The following TNIK variants were observed in gnomAD, a reference collection of about 807,000 sequenced individuals.
The protein encoded by TNIK is TRAF2 and NCK-interacting protein kinase.
In TNIK, 49 loss-of-function variants were observed where a neutral mutation model predicts 191.3. That is an observed-to-expected ratio of 0.26 (90% confidence interval 0.20 to 0.32). The LOEUF (loss-of-function observed/expected upper bound fraction) is 0.32, where lower values mean the gene tolerates loss of function less well. Among genes scored for constraint, TNIK ranks in the 10% least tolerant of loss-of-function variants. The pLI, the probability that TNIK is intolerant of heterozygous loss-of-function variation, is 1.00. For missense variants in TNIK, 1,155 were observed against 1,702.3 expected (o/e 0.68, Z 5.66); for synonymous variants, 594 against 600.9 (o/e 0.99, Z 0.17).
intron 12 of TNIK, among the ~76,000 whole-genome samples, chr3:171,148,544 T>G (rs759165395): frequency 3.9e-5 from 6 of 152,174 alleles, no homozygotes; most frequent in Non-Finnish European, 4.4e-5. Flanking sequence ...CTGTCATCAT[T>G]CTGAAGCCTT....
chr3:171,360,713 C>T (rs1014927864), intron 2 of TNIK, among the ~76,000 whole-genome samples: 1 of 152,238 alleles, frequency 6.6e-6, no homozygotes, highest in African/African-American at 2.4e-5. Context: ...AACACTACCT[C>T]TCCCTAGAGT....
intron 2 of TNIK, among the ~76,000 whole-genome samples, chr3:171,329,271 T>C (rs1756151316): frequency 6.6e-6 from 1 of 152,178 alleles, no homozygotes; most frequent in Non-Finnish European, 1.5e-5. Context: ...AATTATTTAA[T>C]ACCATGGTAA....
At chr3:171,298,728 C>T (rs927544580) in intron 2 of TNIK, among the ~76,000 whole-genome samples, 1 of 152,156 alleles carries the variant, frequency 6.6e-6, no homozygotes, top group Non-Finnish European at 1.5e-5. Flanking sequence ...GTACAATAAA[C>T]AAAATACAAA....
At chr3:171,107,101 C>T in intron 21 of TNIK, 82 bp downstream of exon 21, 1 of 1,446,306 alleles carries the variant, frequency 6.9e-7, no homozygotes, top group Non-Finnish European at 9.4e-7. Flanking sequence ...TCCCATTGGC[C>T]ACCTTTCTGA....
rs563251824 is a variant in TNIK, at chr3:171,338,519, C to T, written c.123+31101G>A. Reference sequence around the variant, plus strand: ...ATTTTTTCTGTTGGAGACAATGTCTCGCTCTATTGCCCAGGCTGGAGTACA... The same window carrying T: ...ATTTTTTCTGTTGGAGACAATGTCTTGCTCTATTGCCCAGGCTGGAGTACA... On this transcript the variant is annotated intron_variant, in intron 2 of 32. Transcript: ENST00000436636. Among the ~76,000 whole-genome samples, 8 of 152,266 alleles carry T rather than the reference C, an allele frequency of 5.3e-5. No individual in the cohort carries two copies. In the East Asian group the frequency reaches 1.4e-3, roughly 26 times the overall value.
intron 2 of TNIK, among the ~76,000 whole-genome samples, chr3:171,322,429 A>G (rs1201995227): frequency 2.0e-5 from 3 of 152,180 alleles, no homozygotes; most frequent in African/African-American, 7.2e-5. Context: ...CCCAATTTTC[A>G]CAGGTAACCA....
chr3:171,177,186 T>C, intron 8 of TNIK, 140 bp downstream of exon 8: 1 of 697,244 alleles, frequency 1.4e-6, no homozygotes, highest in Non-Finnish European at 2.2e-6. Context: ...TTAAGATGAC[T>C]CTGCTTTCTA....
In TNIK at chr3:171,095,359, G is replaced by A. The variant is rs369106039; in HGVS notation, c.2592-1391C>T. 1.2e-3 allele frequency among the ~76,000 whole-genome samples: 181 copies of A among 152,276 alleles called. 2 individuals are homozygous for A. The South Asian group carries it at 0.034, about 28-fold the overall frequency. On this transcript the variant is annotated intron_variant, in intron 22 of 32. Coordinates refer to ENST00000436636, the MANE Select transcript of TNIK (RefSeq NM_015028.4). The stretch of plus-strand genomic sequence containing the variant: ...GGGATTTGAGAACCACACACCACAG[G>A]TTGAGGTTGGTACAACATGGCTTCT...
intron 30 of TNIK, among the ~76,000 whole-genome samples, chr3:171,067,826 T>C (rs1576886839): frequency 8.0e-6 from 1 of 125,098 alleles, no homozygotes; most frequent in South Asian, 2.4e-4. Context: ...AGGATTATCA[T>C]AGTTACACCT....
intron 2 of TNIK, among the ~76,000 whole-genome samples, chr3:171,310,722 G>A (rs1213848748): frequency 6.6e-6 from 1 of 151,830 alleles, no homozygotes; most frequent in Non-Finnish European, 1.5e-5. Context: ...CTTGTTACAT[G>A]TTCATATTTG....
At chr3:171,278,382 G>A (rs1750022677) in intron 2 of TNIK, among the ~76,000 whole-genome samples, 1 of 152,128 alleles carries the variant, frequency 6.6e-6, no homozygotes, top group Non-Finnish European at 1.5e-5. Flanking sequence ...GTGGATATGA[G>A]AATGAAGCTT....
rs58671407 is a variant in TNIK, at chr3:171,127,107, C to CCCATAAAT, written c.1774-964_1774-957dup. On this transcript the variant is annotated intron_variant, in intron 16 of 32. Transcript: ENST00000436636. Reference sequence around the variant, plus strand: ...TCTGTGCCTGGCATGGGGAAGGTGTCCCATAAATCCTGGTTGGGGAAAAAA... The same window carrying CCCATAAAT: ...TCTGTGCCTGGCATGGGGAAGGTGTCCCATAAATCCATAAATCCTGGTTGGGGAAAAAA... Among the ~76,000 whole-genome samples the CCCATAAAT allele has an allele frequency of 7.9e-3, 1,208 of 152,296 alleles. 24 individuals carry two copies. Among genetic ancestry groups the CCCATAAAT allele is most frequent in the African/African-American group, 0.028 (1,153 of 41,550 alleles).
intron 4 of TNIK, among the ~76,000 whole-genome samples, chr3:171,202,171 A>C (rs1048760028): frequency 1.3e-5 from 2 of 152,160 alleles, no homozygotes; most frequent in Admixed American, 6.5e-5. Context: ...GTCTGGACTC[A>C]AATTCCACAG....
rs766186062 is a variant in TNIK at position 171,108,103 on chromosome 3, C to G, written c.2344G>C (p.Glu782Gln). ...LPHEPAKVKP[E>Q]ESRDITRPSR... ...GGCCGGGTAATGTCCCTGGATTCTT[C>G]TGGTTTCACCTTCGCAGGCTCATGG... The change falls in exon 20 of 33, where the codon GAA becomes CAA. Residue 782 changes from glutamate (E) to glutamine (Q), a missense_variant. Physicochemically the swap from Glu to Gln is conservative, Grantham distance 29. Around this residue, in one of 3 missense-constraint regions of TNIK, gnomAD observed 735 missense variants for 848.0 expected, o/e 0.87. Transcript: ENST00000436636. The G allele has an allele frequency of 1.3e-5, 21 of 1,577,094 alleles. No homozygotes were observed. In the East Asian group the frequency reaches 4.9e-4, roughly 36 times the overall value.
intron 12 of TNIK, among the ~76,000 whole-genome samples, chr3:171,143,727 C>T (rs1431310735): frequency 2.0e-5 from 3 of 152,164 alleles, no homozygotes; most frequent in Non-Finnish European, 2.9e-5. Flanking sequence ...CCATATCAGG[C>T]CAGCCACCAG....
chr3:171,246,086 A>T (rs1199888982), intron 2 of TNIK, among the ~76,000 whole-genome samples: 1 of 152,168 alleles, frequency 6.6e-6, no homozygotes. Context: ...AGGGAGGAAG[A>T]CGAGTGTGCT....
intron 1 of TNIK, among the ~76,000 whole-genome samples, chr3:171,456,416 G>A (rs1040552517): frequency 2.6e-5 from 4 of 152,134 alleles, no homozygotes; most frequent in African/African-American, 9.7e-5. Context: ...ATACACCCAC[G>A]TGGATACGGT....
chr3:171,068,652 A>G (rs1467982831), intron 30 of TNIK, among the ~76,000 whole-genome samples, 196 bp downstream of exon 30: 2 of 152,226 alleles, frequency 1.3e-5, no homozygotes, highest in African/African-American at 4.8e-5. Flanking sequence ...GTATTCCCCA[A>G]TTTTAGGAAG....
At chr3:171,087,232 C>G (rs956946183) in intron 24 of TNIK, 110 bp downstream of exon 24, 5 of 1,490,992 alleles carry the variant, frequency 3.4e-6, no homozygotes, top group Non-Finnish European at 4.5e-6. Context: ...TAGAAACCAA[C>G]CAAACAAGTT....
Sources: gnomAD v4.1 joint callset for allele counts (sites outside exome capture counted in the v4.1 genomes callset) on GRCh38, gnomAD v4.1.1 for gene constraint, gnomAD v4.1.1 regional missense constraint, MANE v1.5 for transcripts, NCBI Gene and HGNC (gene_info 2026-07-23, HGNC 2026-07-21) for gene names.